The following SGCZ variants were observed in gnomAD, a reference collection of about 807,000 sequenced individuals.
SGCZ encodes sarcoglycan zeta, also known as zeta-sarcoglycan.
In SGCZ, 40 loss-of-function variants were observed where a neutral mutation model predicts 41.3. The observed-to-expected ratio is 0.97, with a 90% CI of 0.75 to 1.26. The LOEUF is 1.26. SGCZ is among the 50% of genes most tolerant of loss of function. SGCZ has a pLI of 0.00. For synonymous variants in SGCZ, 206 were observed against 137.5 expected, an observed-to-expected ratio of 1.50 and a Z score of -3.49; for missense variants, 552 against 369.8, an observed-to-expected ratio of 1.49 and a Z score of -4.04.
intron 1 of SGCZ, among the ~76,000 whole-genome samples, chr8:14,843,327 C>T (rs1053100530): frequency 1.2e-4 from 18 of 151,848 alleles, no homozygotes; most frequent in African/African-American, 4.1e-4. Flanking sequence ...CCTATGAGTA[C>T]ATTATTAAAA....
At chr8:15,024,601 C>G (rs1803377455) in intron 1 of SGCZ, among the ~76,000 whole-genome samples, 1 of 152,048 alleles carries the variant, frequency 6.6e-6, no homozygotes, top group South Asian at 2.1e-4. Context: ...AGCAGTGTAA[C>G]CAGGCCCAGG....
intron 4 of SGCZ, among the ~76,000 whole-genome samples, chr8:14,177,012 A>G (rs943156516): frequency 2.6e-5 from 4 of 152,146 alleles, no homozygotes; most frequent in East Asian, 1.9e-4. Context: ...GACACGTTAC[A>G]TCACCAAGGT....
chr8:15,048,798 G>C (rs1804408658), intron 1 of SGCZ, among the ~76,000 whole-genome samples: 1 of 152,012 alleles, frequency 6.6e-6, no homozygotes, highest in African/African-American at 2.4e-5. Flanking sequence ...TTTGTAAACT[G>C]TGTGAAGTTG....
chr8:14,301,532 T>G (rs1199673094), intron 3 of SGCZ, among the ~76,000 whole-genome samples: 3 of 152,146 alleles, frequency 2.0e-5, no homozygotes, highest in African/African-American at 7.2e-5. Flanking sequence ...AGGAACAAAA[T>G]TTCAACCTTA....
At chr8:15,171,044 T>C (rs1352638441) in intron 1 of SGCZ, among the ~76,000 whole-genome samples, 1 of 152,190 alleles carries the variant, frequency 6.6e-6, no homozygotes, top group Non-Finnish European at 1.5e-5. Context: ...ATCTGCAATA[T>C]AAATAATGAA....
intron 1 of SGCZ, among the ~76,000 whole-genome samples, chr8:14,892,887 G>C (rs749167809): frequency 2.0e-5 from 3 of 152,102 alleles, no homozygotes; most frequent in Non-Finnish European, 4.4e-5. Context: ...CTAAAATCAG[G>C]ATATGATTGG....
chr8:14,516,588 C>A (rs1217437145), intron 2 of SGCZ, among the ~76,000 whole-genome samples: 2 of 151,990 alleles, frequency 1.3e-5, no homozygotes, highest in African/African-American at 4.8e-5. Flanking sequence ...ACCACTGCAG[C>A]AATTTTAAGG....
intron 2 of SGCZ, among the ~76,000 whole-genome samples, chr8:14,342,781 T>A (rs891328046): frequency 6.6e-6 from 1 of 152,234 alleles, no homozygotes; most frequent in Non-Finnish European, 1.5e-5. Context: ...TCAAGCCGGC[T>A]GCAGAAATTT....
chr8:14,326,111 C>A (rs1300636706), intron 2 of SGCZ, among the ~76,000 whole-genome samples: 11 of 37,904 alleles, frequency 2.9e-4, no homozygotes, highest in East Asian at 1.9e-3. Context: ...GACTCCGTCT[C>A]AAAAAAAAAA....
At chr8:15,078,431 C>G (rs952944972) in intron 1 of SGCZ, among the ~76,000 whole-genome samples, 1 of 151,854 alleles carries the variant, frequency 6.6e-6, no homozygotes. Flanking sequence ...ACTCCATTGC[C>G]TTTCTTGTGA....
intron 1 of SGCZ, among the ~76,000 whole-genome samples, chr8:15,194,236 C>T (rs1322452549): frequency 6.7e-6 from 1 of 150,216 alleles, no homozygotes; most frequent in East Asian, 1.9e-4. Context: ...CACCACAACC[C>T]TCCCTTTGGT....
intron 1 of SGCZ, among the ~76,000 whole-genome samples, chr8:15,206,452 CTT>C (rs3069943): frequency 6.9e-6 from 1 of 144,376 alleles, no homozygotes; most frequent in Non-Finnish European, 1.5e-5. Context: ...TCTGGGGAGT[CTT>C]TTTTTTTTTT....
chr8:14,350,682 T>A (rs1310086629), intron 2 of SGCZ, among the ~76,000 whole-genome samples: 2 of 152,094 alleles, frequency 1.3e-5, no homozygotes, highest in South Asian at 2.1e-4. Context: ...TTTGTGGAAT[T>A]GCATGACAGT....
chr8:14,169,622 A>T (rs1186986287), intron 4 of SGCZ, among the ~76,000 whole-genome samples: 1 of 152,174 alleles, frequency 6.6e-6, no homozygotes, highest in Non-Finnish European at 1.5e-5. Context: ...CACTTCCTGT[A>T]GCCAGTCCAC....
chr8:15,078,613 C>A (rs571633123), intron 1 of SGCZ, among the ~76,000 whole-genome samples: 119 of 152,108 alleles, frequency 7.8e-4, no homozygotes, highest in African/African-American at 2.7e-3. Context: ...GGTCTGTTTA[C>A]AATTATCTCC....
At chr8:14,847,126 A>AAGAAGGAAGAAGAAG (rs761276429) in intron 1 of SGCZ, among the ~76,000 whole-genome samples, 2 of 126,362 alleles carry the variant, frequency 1.6e-5, no homozygotes, top group East Asian at 4.9e-4. Context: ...GAAGAAGAAG[A>AAGAAGGAAGAAGAAG]AAGAAGAAGA....
intron 1 of SGCZ, among the ~76,000 whole-genome samples, chr8:15,223,633 G>T (rs894891202): frequency 6.6e-6 from 1 of 152,022 alleles, no homozygotes; most frequent in African/African-American, 2.4e-5. Flanking sequence ...TATTAACAAG[G>T]ATGTAATAAA....
At chr8:15,067,995 T>C (rs1805212929) in intron 1 of SGCZ, among the ~76,000 whole-genome samples, 1 of 152,130 alleles carries the variant, frequency 6.6e-6, no homozygotes. Context: ...CGGCACAGAG[T>C]ACCATGCAAA....
intron 1 of SGCZ, among the ~76,000 whole-genome samples, chr8:14,577,604 T>A (rs1298401486): frequency 6.6e-6 from 1 of 152,050 alleles, no homozygotes; most frequent in Non-Finnish European, 1.5e-5. Context: ...GCCAGGCTGG[T>A]CTCCAAGTCC....
Sources: gnomAD v4.1 joint callset for allele counts (sites outside exome capture counted in the v4.1 genomes callset) on GRCh38, gnomAD v4.1.1 for gene constraint, MANE v1.5 for transcripts, NCBI Gene and HGNC (gene_info 2026-07-23, HGNC 2026-07-21) for gene names.